The following PPARGC1A variants were observed in gnomAD, a reference collection of about 807,000 sequenced individuals.
PPARGC1A encodes the protein peroxisome proliferator-activated receptor gamma coactivator 1-alpha.
A neutral mutation model predicts 88.7 loss-of-function variants in PPARGC1A; 25 were observed. The observed-to-expected ratio is 0.28, with a 90% CI of 0.21 to 0.39. PPARGC1A has a LOEUF of 0.39. Ranked by LOEUF, PPARGC1A falls within the 10% of genes least tolerant of loss-of-function variation. The pLI is 1.00. For missense variants in PPARGC1A, 880 were observed against 968.7 expected, an observed-to-expected ratio of 0.91 and a Z score of 1.22; for synonymous variants, 363 against 355.6, an observed-to-expected ratio of 1.02 and a Z score of -0.24.
chr4:24,075,900 A>G, the PPARGC1A span, among the ~76,000 whole-genome samples: 1 of 152,084 alleles, frequency 6.6e-6, no homozygotes, highest in Non-Finnish European at 1.5e-5. Flanking sequence ...CAGAGCTAGG[A>G]CCAGGTTCTG....
chr4:24,446,801 T>G, the PPARGC1A span, among the ~76,000 whole-genome samples: 1 of 152,084 alleles, frequency 6.6e-6, no homozygotes. Context: ...TGTTTTGCCA[T>G]GTTGGCCAGG....
At chr4:24,064,336 G>A in the PPARGC1A span, among the ~76,000 whole-genome samples, 68 of 152,282 alleles carry the variant, frequency 4.5e-4, 1 homozygote, top group East Asian at 0.012. Flanking sequence ...GGTCTCTGGA[G>A]ACTTGGTTGA....
the PPARGC1A span, among the ~76,000 whole-genome samples, chr4:24,263,456 T>C: frequency 3.3e-5 from 5 of 150,086 alleles, no homozygotes; most frequent in African/African-American, 7.4e-5. Context: ...TGTGGGTGTA[T>C]ACACACACAC....
chr4:24,139,982 G>A, the PPARGC1A span, among the ~76,000 whole-genome samples: 3 of 152,150 alleles, frequency 2.0e-5, no homozygotes, highest in South Asian at 2.1e-4. Context: ...AATGAAAACA[G>A]GTTTGCTCCT....
chr4:24,150,318 T>C, the PPARGC1A span, among the ~76,000 whole-genome samples: 1 of 152,180 alleles, frequency 6.6e-6, no homozygotes, highest in Non-Finnish European at 1.5e-5. Context: ...AAAAGGGCAC[T>C]CTATGTAAAT....
the PPARGC1A span, among the ~76,000 whole-genome samples, chr4:24,268,566 A>C: frequency 4.6e-5 from 7 of 152,212 alleles, no homozygotes; most frequent in African/African-American, 1.7e-4. Flanking sequence ...ATTTGTTTAA[A>C]GCGTTTCTAT....
the PPARGC1A span, among the ~76,000 whole-genome samples, chr4:24,213,333 AT>A: frequency 2.0e-5 from 3 of 151,862 alleles, no homozygotes; most frequent in South Asian, 4.2e-4. Context: ...GGCCCGGCTA[AT>A]TTTTTGTATT....
chr4:23,922,976 C>G, the PPARGC1A span, among the ~76,000 whole-genome samples: 1 of 152,178 alleles, frequency 6.6e-6, no homozygotes, highest in Admixed American at 6.5e-5. Context: ...CTAACTATTG[C>G]ATTTTCTAGT....
chr4:24,125,167 A>T, the PPARGC1A span, among the ~76,000 whole-genome samples: 21 of 152,286 alleles, frequency 1.4e-4, no homozygotes, highest in African/African-American at 5.1e-4. Flanking sequence ...CAAGTTATAT[A>T]GAGTCCAACA....
At chr4:24,226,147 A>C in the PPARGC1A span, among the ~76,000 whole-genome samples, 1 of 152,134 alleles carries the variant, frequency 6.6e-6, no homozygotes, top group Non-Finnish European at 1.5e-5. Flanking sequence ...CCGCCGCCTG[A>C]CACTAAATAC....
At chr4:24,140,841 A>C in the PPARGC1A span, among the ~76,000 whole-genome samples, 6 of 152,238 alleles carry the variant, frequency 3.9e-5, no homozygotes, top group African/African-American at 1.4e-4. Flanking sequence ...GCCCTTTCAG[A>C]CTAGAAGGAG....
intron 10 of PPARGC1A, among the ~76,000 whole-genome samples, chr4:23,812,401 T>C (rs1473582101): frequency 6.6e-6 from 1 of 151,492 alleles, no homozygotes; most frequent in Non-Finnish European, 1.5e-5. Context: ...AAGAGAGAAG[T>C]AACAGGAAAC....
chr4:24,093,519 CA>C, the PPARGC1A span, among the ~76,000 whole-genome samples: 1 of 152,120 alleles, frequency 6.6e-6, no homozygotes, highest in African/African-American at 2.4e-5. Flanking sequence ...AGATGCTTCT[CA>C]GAGGTTCTTC....
the PPARGC1A span, among the ~76,000 whole-genome samples, chr4:24,292,042 T>A: frequency 6.6e-6 from 1 of 151,880 alleles, no homozygotes; most frequent in South Asian, 2.1e-4. Flanking sequence ...AAGAAGTGAG[T>A]GAAGAAGAAG....
the PPARGC1A span, among the ~76,000 whole-genome samples, chr4:24,051,187 C>CAA: frequency 0.29 from 16,582 of 56,790 alleles, 3,226 homozygotes; most frequent in South Asian, 0.48. Flanking sequence ...GACTCTGTCT[C>CAA]AAAAAAAAAA....
the PPARGC1A span, among the ~76,000 whole-genome samples, chr4:24,404,274 A>G: frequency 6.6e-6 from 1 of 151,790 alleles, no homozygotes; most frequent in East Asian, 1.9e-4. Context: ...AAAAATATAT[A>G]TATAAATAAA....
chr4:23,972,686 T>C, the PPARGC1A span, among the ~76,000 whole-genome samples: 3 of 152,234 alleles, frequency 2.0e-5, no homozygotes, highest in Non-Finnish European at 4.4e-5. Flanking sequence ...CATGAATATA[T>C]GAAAGACTCT....
chr4:24,045,205 C>G, the PPARGC1A span, among the ~76,000 whole-genome samples: 3 of 152,144 alleles, frequency 2.0e-5, no homozygotes, highest in Admixed American at 1.3e-4. Context: ...TGTTTCTTCT[C>G]TACTGTGGAA....
At chr4:24,049,279 CAT>C in the PPARGC1A span, among the ~76,000 whole-genome samples, 171 of 113,658 alleles carry the variant, frequency 1.5e-3, no homozygotes, top group Non-Finnish European at 2.5e-3. Context: ...TATATATACA[CAT>C]ATATATGTGT....
Sources: gnomAD v4.1 joint callset for allele counts (sites outside exome capture counted in the v4.1 genomes callset) on GRCh38, gnomAD v4.1.1 for gene constraint, MANE v1.5 for transcripts, NCBI Gene and HGNC (gene_info 2026-07-23, HGNC 2026-07-21) for gene names.